SETBP1: variants seen among roughly 807,000 people sequenced by gnomAD.
SETBP1 encodes the protein SET-binding protein.
SETBP1 carries 9 observed loss-of-function variants against 101.0 expected under a neutral mutation model. The ratio of observed to expected loss-of-function variants is 0.09; its 90% confidence interval spans 0.05 to 0.16. The LOEUF is 0.16. Ranked by LOEUF, SETBP1 falls within the 10% of genes least tolerant of loss-of-function variation. The pLI, the probability that SETBP1 is intolerant of heterozygous loss-of-function variation, is 1.00. For missense variants in SETBP1, 1,858 were observed against 2,033.8 expected, an observed-to-expected ratio of 0.91 and a Z score of 1.66; for synonymous variants, 818 against 788.5, an observed-to-expected ratio of 1.04 and a Z score of -0.63.
intron 2 of SETBP1, among the ~76,000 whole-genome samples, chr18:44,751,861 G>T (rs1178068065): frequency 6.6e-6 from 1 of 152,118 alleles, no homozygotes; most frequent in Non-Finnish European, 1.5e-5. Context: ...CAGGGTGCTG[G>T]CCAATTCACT....
chr18:44,877,846 C>T lies in SETBP1; in HGVS notation c.540+8563C>T, dbSNP rs149297835. ...TGTTTTCCAGAAAGTCTGGCATTTC[C>T]GTGGAATATTCTGAAGTCTTAATAA... On this transcript the variant is annotated intron_variant, in intron 3 of 5. Coordinates refer to ENST00000649279, the MANE Select transcript of SETBP1 (RefSeq NM_015559.3). 1.2e-3 allele frequency among the ~76,000 whole-genome samples: 186 copies of T among 152,128 alleles called. 1 individual carries two copies. The East Asian group carries it at 0.026, about 21-fold the overall frequency.
chr18:44,866,973 A>G (rs2069143406), intron 2 of SETBP1, among the ~76,000 whole-genome samples: 1 of 152,212 alleles, frequency 6.6e-6, no homozygotes, highest in Non-Finnish European at 1.5e-5. Flanking sequence ...CTCCTCAACA[A>G]ATGGTCTCCA....
At chr18:45,015,886 G>A (rs2072929712) in intron 4 of SETBP1, among the ~76,000 whole-genome samples, 2 of 152,294 alleles carry the variant, frequency 1.3e-5, no homozygotes, top group South Asian at 4.1e-4. Context: ...TTCTGTTCTT[G>A]AGTTACATGC....
chr18:44,723,865 C>A (rs1278389068), intron 2 of SETBP1, among the ~76,000 whole-genome samples: 1 of 152,136 alleles, frequency 6.6e-6, no homozygotes, highest in East Asian at 1.9e-4. Flanking sequence ...ATAATGGTCG[C>A]AGCCAAGACA....
At chr18:44,896,920 A>G (rs1299141065) in intron 3 of SETBP1, among the ~76,000 whole-genome samples, 5 of 152,130 alleles carry the variant, frequency 3.3e-5, no homozygotes, top group Non-Finnish European at 7.3e-5. Context: ...TTAAGCAGCC[A>G]TCAATCCACC....
chr18:44,714,518 A>G (rs1568105112), intron 2 of SETBP1, among the ~76,000 whole-genome samples: 1 of 151,946 alleles, frequency 6.6e-6, no homozygotes, highest in Non-Finnish European at 1.5e-5. Context: ...CTTCTGTTCT[A>G]TTAATATCAA....
intron 2 of SETBP1, among the ~76,000 whole-genome samples, chr18:44,841,427 A>T (rs1418559091): frequency 2.0e-5 from 3 of 152,170 alleles, no homozygotes; most frequent in African/African-American, 7.2e-5. Flanking sequence ...CTTCCACCAC[A>T]ATCTATTCAC....
chr18:44,863,916 T>C (rs1206323280), intron 2 of SETBP1, among the ~76,000 whole-genome samples: 1 of 152,128 alleles, frequency 6.6e-6, no homozygotes, highest in Non-Finnish European at 1.5e-5. Context: ...CATAAGATCC[T>C]TCTGGCCAGA....
At chr18:44,815,448 A>C (rs918164186) in intron 2 of SETBP1, among the ~76,000 whole-genome samples, 1 of 152,236 alleles carries the variant, frequency 6.6e-6, no homozygotes, top group Non-Finnish European at 1.5e-5. Context: ...TAGACATTTG[A>C]ATTATCAAAT....
intron 1 of SETBP1, among the ~76,000 whole-genome samples, chr18:44,694,879 C>T (rs2068989623): frequency 6.6e-6 from 1 of 152,130 alleles, no homozygotes; most frequent in African/African-American, 2.4e-5. Flanking sequence ...AGAAAGCTAC[C>T]TGGCATCTTT....
intron 4 of SETBP1, among the ~76,000 whole-genome samples, chr18:45,012,760 T>C (rs2072865891): frequency 6.6e-6 from 1 of 152,150 alleles, no homozygotes; most frequent in Non-Finnish European, 1.5e-5. Flanking sequence ...TAACTCAGAA[T>C]CAGAAAGTCA....
chr18:44,782,623 G>T (rs1204994364), intron 2 of SETBP1, among the ~76,000 whole-genome samples: 7 of 152,056 alleles, frequency 4.6e-5, no homozygotes, highest in African/African-American at 1.7e-4. Flanking sequence ...AAAAAACCTG[G>T]GATGGTTCCA....
intron 4 of SETBP1, among the ~76,000 whole-genome samples, chr18:44,972,887 G>T (rs1345055588): frequency 6.6e-6 from 1 of 152,102 alleles, no homozygotes; most frequent in African/African-American, 2.4e-5. Context: ...CTGACTGATT[G>T]CCCTGGCCAG....
intron 3 of SETBP1, among the ~76,000 whole-genome samples, chr18:44,882,538 C>T (rs539352633): frequency 9.8e-4 from 149 of 151,630 alleles, no homozygotes; most frequent in Admixed American, 2.2e-3. Context: ...TTCTCCTTCA[C>T]ACCTATGATA....
chr18:44,743,473 C>T (rs2070145789), intron 2 of SETBP1, among the ~76,000 whole-genome samples: 1 of 152,098 alleles, frequency 6.6e-6, no homozygotes, highest in South Asian at 2.1e-4. Context: ...TACAGCACCC[C>T]CCCAACCCCC....
intron 3 of SETBP1, among the ~76,000 whole-genome samples, chr18:44,924,288 A>G (rs1344840014): frequency 1.3e-5 from 2 of 152,154 alleles, no homozygotes; most frequent in Non-Finnish European, 2.9e-5. Flanking sequence ...AGGCTCTGGG[A>G]TCAGTGAGTC....
At chr18:44,981,164 A>G (rs1348829978) in intron 4 of SETBP1, among the ~76,000 whole-genome samples, 1 of 152,208 alleles carries the variant, frequency 6.6e-6, no homozygotes, top group Non-Finnish European at 1.5e-5. Flanking sequence ...CGTGATCTTC[A>G]AGGCCCTCAA....
chr18:44,898,232 G>A (rs781634131), intron 3 of SETBP1, among the ~76,000 whole-genome samples: 2 of 152,126 alleles, frequency 1.3e-5, no homozygotes, highest in Admixed American at 6.5e-5. Context: ...TATAACTCAT[G>A]ACCTTTAAAT....
intron 2 of SETBP1, among the ~76,000 whole-genome samples, chr18:44,752,387 A>G (rs2070402567): frequency 6.6e-6 from 1 of 152,196 alleles, no homozygotes; most frequent in South Asian, 2.1e-4. Context: ...TATATATGTC[A>G]TGGTTAGAGA....
Sources: gnomAD v4.1 joint callset for allele counts (sites outside exome capture counted in the v4.1 genomes callset) on GRCh38, gnomAD v4.1.1 for gene constraint, MANE v1.5 for transcripts, NCBI Gene and HGNC (gene_info 2026-07-23, HGNC 2026-07-21) for gene names.